The following KCNH7 variants were observed in gnomAD, a reference collection of about 807,000 sequenced individuals.
KCNH7 encodes the protein voltage-gated inwardly rectifying potassium channel KCNH7.
A neutral mutation model predicts 120.8 loss-of-function variants in KCNH7; 49 were observed. The ratio of observed to expected loss-of-function variants is 0.41; its 90% CI spans 0.32 to 0.51. The LOEUF is 0.51. KCNH7 is among the 20% of genes least tolerant of loss of function. KCNH7 has a pLI of 0.38. For missense variants in KCNH7, 1,097 were observed against 1,446.6 expected (o/e 0.76, Z 3.92); for synonymous variants, 547 against 516.1 (o/e 1.06, Z -0.81).
chr2:162,753,106 A>G (rs943617338), intron 2 of KCNH7, among the ~76,000 whole-genome samples: 1 of 151,530 alleles, frequency 6.6e-6, no homozygotes, highest in Non-Finnish European at 1.5e-5. Flanking sequence ...TAATTTAAAA[A>G]TCAAGAGGAA....
intron 11 of KCNH7, among the ~76,000 whole-genome samples, chr2:162,396,383 C>T (rs964161477): frequency 6.6e-6 from 1 of 151,670 alleles, no homozygotes. Context: ...AATATTCTAA[C>T]CTCTGTATAA....
intron 2 of KCNH7, among the ~76,000 whole-genome samples, chr2:162,688,708 A>T (rs946780444): frequency 1.3e-5 from 2 of 151,516 alleles, no homozygotes; most frequent in African/African-American, 4.8e-5. Flanking sequence ...TATCTCTTTA[A>T]GAATAACCTC....
chr2:162,808,498 G>A (rs1684626808), intron 2 of KCNH7, among the ~76,000 whole-genome samples: 1 of 152,104 alleles, frequency 6.6e-6, no homozygotes, highest in Non-Finnish European at 1.5e-5. Flanking sequence ...TATATAGTCT[G>A]TTCAAATTTT....
intron 6 of KCNH7, among the ~76,000 whole-genome samples, chr2:162,487,475 T>G: frequency 6.6e-6 from 1 of 151,290 alleles, no homozygotes; most frequent in South Asian, 2.1e-4. Flanking sequence ...TGGTGGGGGG[T>G]GAGTGGGGAG....
chr2:162,510,947 TGG>T (rs891584980), intron 5 of KCNH7, among the ~76,000 whole-genome samples: 2 of 151,766 alleles, frequency 1.3e-5, no homozygotes, highest in Non-Finnish European at 2.9e-5. Context: ...TTCTCCAATT[TGG>T]GGATATAACT....
intron 2 of KCNH7, among the ~76,000 whole-genome samples, chr2:162,723,228 T>TA (rs924364712): frequency 3.0e-4 from 46 of 151,802 alleles, no homozygotes; most frequent in East Asian, 7.7e-4. Context: ...TGCATATTAG[T>TA]AAAAAAAACC....
At chr2:162,636,157 T>C (rs1339502559) in intron 2 of KCNH7, among the ~76,000 whole-genome samples, 3 of 152,046 alleles carry the variant, frequency 2.0e-5, no homozygotes, top group Non-Finnish European at 4.4e-5. Flanking sequence ...GGCAACAAGA[T>C]TTTGTGGGGT....
At chr2:162,404,666 G>A (rs1193591700) in intron 9 of KCNH7, among the ~76,000 whole-genome samples, 1 of 151,888 alleles carries the variant, frequency 6.6e-6, no homozygotes, top group Admixed American at 6.6e-5. Flanking sequence ...AGTTCCTGAG[G>A]CCTCTGCAGG....
intron 7 of KCNH7, among the ~76,000 whole-genome samples, chr2:162,437,843 G>T (rs942153369): frequency 6.6e-6 from 1 of 152,056 alleles, no homozygotes. Flanking sequence ...ACAAGTGGGG[G>T]CCTTTCCGTA....
At chr2:162,827,449 A>C (rs1559152500) in intron 2 of KCNH7, among the ~76,000 whole-genome samples, 1 of 152,112 alleles carries the variant, frequency 6.6e-6, no homozygotes, top group Non-Finnish European at 1.5e-5. Flanking sequence ...TTTAAGAGTA[A>C]AAGAGAATGC....
intron 2 of KCNH7, among the ~76,000 whole-genome samples, chr2:162,568,076 G>A (rs1693321147): frequency 6.6e-6 from 1 of 151,930 alleles, no homozygotes; most frequent in East Asian, 1.9e-4. Flanking sequence ...AATCATGGTG[G>A]AAAGTGGAGC....
intron 2 of KCNH7, among the ~76,000 whole-genome samples, chr2:162,732,173 T>G (rs528716245): frequency 1.3e-5 from 2 of 152,186 alleles, no homozygotes; most frequent in Admixed American, 1.3e-4. Flanking sequence ...AGGGACTACG[T>G]GTGAAGAGGA....
At chr2:162,375,907 A>G (rs1323818452) in intron 14 of KCNH7, among the ~76,000 whole-genome samples, 2 of 151,774 alleles carry the variant, frequency 1.3e-5, no homozygotes, top group Non-Finnish European at 1.5e-5. Context: ...AAAAAAAAAA[A>G]AAAAGAAAAA....
intron 2 of KCNH7, among the ~76,000 whole-genome samples, chr2:162,651,577 C>A (rs1041434140): frequency 1.3e-5 from 2 of 152,012 alleles, no homozygotes; most frequent in Non-Finnish European, 2.9e-5. Context: ...TGTATATGTT[C>A]TACATTTTCT....
intron 9 of KCNH7, among the ~76,000 whole-genome samples, chr2:162,402,805 A>C (rs1456646484): frequency 6.6e-6 from 1 of 151,506 alleles, no homozygotes; most frequent in Non-Finnish European, 1.5e-5. Flanking sequence ...GTGTGTGTGC[A>C]TGTCTGTGTG....
rs548590930 is a variant in KCNH7, at chr2:162,523,851, G to T, written c.464-5693C>A. Among the ~76,000 whole-genome samples, 4 of 151,730 alleles carry T rather than the reference G, an allele frequency of 2.6e-5. No homozygotes were observed. The East Asian group carries it at 5.9e-4, about 22-fold the overall frequency. ...ACCTTGATTATGTCATATTTTTACT[G>T]CAAAAACCCAATTAAATATAATTAG... On this transcript the variant is annotated intron_variant, in intron 3 of 15. Transcript: ENST00000332142.
chr2:162,829,160 C>T (rs1035530972), intron 2 of KCNH7, among the ~76,000 whole-genome samples: 9 of 152,050 alleles, frequency 5.9e-5, no homozygotes, highest in African/African-American at 9.7e-5. Flanking sequence ...AGTAATAAGA[C>T]GTATTTCCTC....
chr2:162,395,661 T>C (rs980829852), intron 11 of KCNH7, among the ~76,000 whole-genome samples: 26 of 151,902 alleles, frequency 1.7e-4, no homozygotes, highest in African/African-American at 6.0e-4. Flanking sequence ...CAAAAACATA[T>C]GTTCTTAATA....
intron 2 of KCNH7, among the ~76,000 whole-genome samples, chr2:162,724,791 A>G (rs1687460383): frequency 6.6e-6 from 1 of 152,188 alleles, no homozygotes; most frequent in African/African-American, 2.4e-5. Flanking sequence ...ATGGTTGACT[A>G]CGGATAACTG....
Sources: gnomAD v4.1 joint callset for allele counts (sites outside exome capture counted in the v4.1 genomes callset) on GRCh38, gnomAD v4.1.1 for gene constraint, MANE v1.5 for transcripts, NCBI Gene and HGNC (gene_info 2026-07-23, HGNC 2026-07-21) for gene names.